GNAL: variants seen among roughly 807,000 people sequenced by gnomAD.
GNAL encodes the protein G protein subunit alpha L, also known as guanine nucleotide-binding protein G(olf) subunit alpha.
GNAL carries 18 observed loss-of-function variants against 55.1 expected under a neutral mutation model. The observed-to-expected ratio is 0.33, with a 90% CI of 0.23 to 0.48. GNAL has a LOEUF of 0.48. Ranked by LOEUF, GNAL falls within the 20% of genes least tolerant of loss-of-function variation. The pLI is 0.99. For missense variants in GNAL, 412 were observed against 614.1 expected (o/e 0.67, Z 3.48); for synonymous variants, 253 against 237.0 (o/e 1.07, Z -0.62).
At chr18:11,851,415 A>T in intron 5 of GNAL, 1 of 1,402,332 alleles carries the variant, frequency 7.1e-7, no homozygotes, top group Non-Finnish European at 9.4e-7. Flanking sequence ...AGTGGGACCA[A>T]AACAAAGGAG....
intron 1 of GNAL, among the ~76,000 whole-genome samples, chr18:11,726,920 TA>T (rs1037724002): frequency 2.6e-5 from 4 of 152,044 alleles, no homozygotes; most frequent in Non-Finnish European, 5.9e-5. Context: ...GGACAGGTTG[TA>T]AGGAAAAGTA....
At chr18:11,846,462 T>TACAC (rs1357598485) in intron 5 of GNAL, among the ~76,000 whole-genome samples, 11 of 20,210 alleles carry the variant, frequency 5.4e-4, no homozygotes, top group East Asian at 4.4e-3. Flanking sequence ...TATATATAAA[T>TACAC]ATACACACAC....
At chr18:11,775,701 C>A (rs1694284731) in intron 4 of GNAL, among the ~76,000 whole-genome samples, 1 of 152,296 alleles carries the variant, frequency 6.6e-6, no homozygotes, top group Admixed American at 6.5e-5. Flanking sequence ...TGTGTGGGGG[C>A]AAATTCCCAG....
intron 11 of GNAL, among the ~76,000 whole-genome samples, chr18:11,880,438 G>A (rs1276900653): frequency 3.3e-5 from 5 of 151,724 alleles, no homozygotes; most frequent in Non-Finnish European, 7.4e-5. Flanking sequence ...GCGTGGGCAC[G>A]GTGATGGACG....
At chr18:11,847,023 T>A (rs948803680) in intron 5 of GNAL, among the ~76,000 whole-genome samples, 1 of 151,288 alleles carries the variant, frequency 6.6e-6, no homozygotes, top group Non-Finnish European at 1.5e-5. Context: ...ATTATATATG[T>A]ATGTAATGTA....
Position 11,689,480 on chromosome 18 carries a change from C to T in GNAL, c.-84C>T, listed in dbSNP as rs910818338. 58 of 591,388 alleles carry T rather than the reference C, an allele frequency of 9.8e-5. No individual in the cohort carries two copies. Among genetic ancestry groups the T allele is most frequent in the Admixed American group, 1.4e-4 (3 of 22,134 alleles). 36.6% of individuals were successfully genotyped at this position (591,388 alleles called of 1,614,324 possible). On this transcript the variant is annotated 5_prime_UTR_variant, in exon 1 of 12. Transcript: ENST00000334049. ...TCCCGCCCCTCCGCTGAGGCGCCGG[C>T]CTGAACTGGGCGCGGGAACCAGGCC...
chr18:11,773,046 T>A (rs1167585877), intron 4 of GNAL, among the ~76,000 whole-genome samples: 1 of 152,188 alleles, frequency 6.6e-6, no homozygotes, highest in Non-Finnish European at 1.5e-5. Flanking sequence ...TGCTTCACTC[T>A]CAGCAGTGAC....
At chr18:11,767,330 T>C (rs2033440306) in intron 4 of GNAL, among the ~76,000 whole-genome samples, 1 of 151,708 alleles carries the variant, frequency 6.6e-6, no homozygotes, top group South Asian at 2.1e-4. Flanking sequence ...GCATGCTTAC[T>C]CTGTGTGCAC....
chr18:11,714,223 C>G (rs577547266), intron 1 of GNAL, among the ~76,000 whole-genome samples: 1 of 152,134 alleles, frequency 6.6e-6, no homozygotes, highest in Non-Finnish European at 1.5e-5. Flanking sequence ...AGATCTCAGT[C>G]GGTTTAGTTT....
intron 5 of GNAL, among the ~76,000 whole-genome samples, chr18:11,855,395 G>A (rs1161266449): frequency 1.3e-5 from 2 of 152,110 alleles, no homozygotes; most frequent in Admixed American, 6.5e-5. Flanking sequence ...TTAACTACTA[G>A]TTATATTTCT....
chr18:11,862,363 C>T (rs1224121787), intron 5 of GNAL, 32 bp from the exon 6 acceptor site: 1 of 1,595,498 alleles, frequency 6.3e-7, no homozygotes, highest in Admixed American at 1.7e-5. Context: ...GGGCAGAGAA[C>T]AGGCCTCAAC....
intron 11 of GNAL, among the ~76,000 whole-genome samples, chr18:11,880,123 G>A (rs1409531884): frequency 2.0e-5 from 3 of 147,056 alleles, no homozygotes; most frequent in African/African-American, 7.4e-5. Flanking sequence ...CAGGCGTGGT[G>A]GCGCACGCCT....
At chr18:11,702,875 T>G (rs1030391840) in intron 1 of GNAL, among the ~76,000 whole-genome samples, 1 of 150,896 alleles carries the variant, frequency 6.6e-6, no homozygotes, top group African/African-American at 2.4e-5. Context: ...CCCAACACTT[T>G]GGGAGGCTGA....
intron 4 of GNAL, among the ~76,000 whole-genome samples, chr18:11,794,760 A>T (rs112785905): frequency 2.6e-3 from 243 of 91,924 alleles, no homozygotes; most frequent in Admixed American, 3.9e-3. Flanking sequence ...CACACAGGTT[A>T]AAAAAAAAAA....
chr18:11,821,929 C>T (rs759427347), intron 4 of GNAL, among the ~76,000 whole-genome samples: 1 of 152,242 alleles, frequency 6.6e-6, no homozygotes, highest in Non-Finnish European at 1.5e-5. Context: ...CAGTGTGGCC[C>T]GGTGGCCAGA....
intron 1 of GNAL, among the ~76,000 whole-genome samples, chr18:11,749,942 C>T (rs1040572249): frequency 2.6e-5 from 4 of 152,142 alleles, no homozygotes; most frequent in African/African-American, 9.7e-5. Context: ...GGCCCAGGTC[C>T]TTAGATGATG....
chr18:11,735,555 A>G (rs1272463523), intron 1 of GNAL, among the ~76,000 whole-genome samples: 2 of 151,978 alleles, frequency 1.3e-5, no homozygotes, highest in East Asian at 3.9e-4. Flanking sequence ...GTTCGAGATC[A>G]GCCTGGGCAA....
chr18:11,708,822 A>G (rs74351788), intron 1 of GNAL, among the ~76,000 whole-genome samples: 56 of 152,190 alleles, frequency 3.7e-4, no homozygotes, highest in Non-Finnish European at 6.8e-4. Flanking sequence ...TCACTTGCCA[A>G]TTTTGTCATT....
chr18:11,884,562 C>A lies in GNAL; in HGVS notation c.*3427C>A, dbSNP rs373575076. ...AGCCCACCACTCCACAGTAGATGATCAAAACCACATCCTCACGTGGGAGGT... is the reference window on the plus strand; with the variant it reads ...AGCCCACCACTCCACAGTAGATGATAAAAACCACATCCTCACGTGGGAGGT... On this transcript the variant is annotated 3_prime_UTR_variant, in exon 12 of 12. Transcript: ENST00000334049. The A allele has an allele frequency of 2.5e-6, 4 of 1,614,024 alleles. No homozygotes were observed. The highest frequency in any genetic ancestry group is 3.4e-6 in the Non-Finnish European group (4 of 1,180,036).
Sources: gnomAD v4.1 joint callset for allele counts (sites outside exome capture counted in the v4.1 genomes callset) on GRCh38, gnomAD v4.1.1 for gene constraint, MANE v1.5 for transcripts, NCBI Gene and HGNC (gene_info 2026-07-23, HGNC 2026-07-21) for gene names.